Variants in LRRTM3 observed in about 807,000 individuals in gnomAD.
LRRTM3 encodes the protein leucine rich repeat transmembrane neuronal 3.
In LRRTM3, 24 loss-of-function variants were observed where a neutral mutation model predicts 44.7. The observed-to-expected ratio is 0.54, with a 90% CI of 0.39 to 0.76. The LOEUF (loss-of-function observed/expected upper bound fraction) is 0.76. LRRTM3 is among the 30% of genes least tolerant of loss of function. The pLI is 0.00. For synonymous variants in LRRTM3, 277 were observed against 278.7 expected, an observed-to-expected ratio of 0.99 and a Z score of 0.06; for missense variants, 587 against 702.2, an observed-to-expected ratio of 0.84 and a Z score of 1.85.
intron 2 of LRRTM3, among the ~76,000 whole-genome samples, chr10:67,073,038 G>A (rs532809631): frequency 1.1e-4 from 17 of 152,238 alleles, no homozygotes; most frequent in African/African-American, 2.4e-4. Flanking sequence ...GACACCTTCC[G>A]CCTAGGCCCA....
intron 2 of LRRTM3, among the ~76,000 whole-genome samples, chr10:67,067,095 A>ATCCT (rs1856136963): frequency 6.6e-6 from 1 of 152,340 alleles, no homozygotes; most frequent in South Asian, 2.1e-4. Flanking sequence ...TGATCTGGAT[A>ATCCT]TATTTTTCCC....
At chr10:67,045,587 G>A (rs1259769070) in intron 2 of LRRTM3, among the ~76,000 whole-genome samples, 1 of 152,200 alleles carries the variant, frequency 6.6e-6, no homozygotes, top group Non-Finnish European at 1.5e-5. Context: ...AACTTCCATT[G>A]CGTGACGGGC....
At chr10:66,998,512 A>G (rs1851489536) in intron 2 of LRRTM3, among the ~76,000 whole-genome samples, 1 of 152,186 alleles carries the variant, frequency 6.6e-6, no homozygotes, top group Admixed American at 6.5e-5. Context: ...ACACACAAAT[A>G]AAATACAATG....
rs754641848 is a variant in LRRTM3 at position 66,928,029 on chromosome 10, G to T, written c.1113G>T (p.Leu371=). 1 of 1,614,100 alleles carries T rather than the reference G, an allele frequency of 6.2e-7. No homozygotes were observed. Among genetic ancestry groups the T allele is most frequent in the Non-Finnish European group, 8.5e-7 (1 of 1,180,034 alleles). Residue 371 remains leucine (L), a synonymous_variant, in exon 2 of 3, where the codon CTG becomes CTT. Transcript: ENST00000361320. ...CGKSTTERFD[L]ARALPKPTFK... ...AAAGTACTACAGAGAGGTTTGATCT[G>T]GCCAGGGCTCTCCCAAAGCCGACGT...
chr10:66,987,573 G>GA, intron 2 of LRRTM3, among the ~76,000 whole-genome samples: 1 of 152,260 alleles, frequency 6.6e-6, no homozygotes, highest in Middle Eastern at 3.4e-3. Flanking sequence ...TCATTGCCAT[G>GA]AAAATTCATC....
At chr10:66,978,552 A>AAATAAAAAAAATAAAAATATATATATAT in intron 2 of LRRTM3, among the ~76,000 whole-genome samples, 1 of 37,866 alleles carries the variant, frequency 2.6e-5, no homozygotes, top group Non-Finnish European at 4.8e-5. Context: ...AAAAAAAAAA[A>AAATAAAAAAAATAAAAATATATATATAT]ATATATATAT....
At chr10:67,052,382 T>TAC (rs1855164525) in intron 2 of LRRTM3, among the ~76,000 whole-genome samples, 1 of 149,758 alleles carries the variant, frequency 6.7e-6, no homozygotes, top group East Asian at 2.0e-4. Context: ...GCCAATGCCT[T>TAC]ACTGTCTATT....
chr10:67,002,406 G>C (rs888445903), intron 2 of LRRTM3, among the ~76,000 whole-genome samples: 2 of 152,060 alleles, frequency 1.3e-5, no homozygotes, highest in African/African-American at 4.8e-5. Flanking sequence ...AGTGAGAAAT[G>C]TTTTAATTTT....
chr10:67,090,456 G>C (rs80314393), intron 2 of LRRTM3, among the ~76,000 whole-genome samples: 2,356 of 152,190 alleles, frequency 0.015, 60 homozygotes, highest in African/African-American at 0.054. Flanking sequence ...CCTATATTGT[G>C]TTCACCTCTC....
chr10:66,952,911 T>C (rs1848608352), intron 2 of LRRTM3, among the ~76,000 whole-genome samples: 1 of 151,978 alleles, frequency 6.6e-6, no homozygotes, highest in South Asian at 2.1e-4. Flanking sequence ...GCCAGCACAG[T>C]AGTGTTACAG....
chr10:66,994,574 C>T (rs1851227126), intron 2 of LRRTM3, among the ~76,000 whole-genome samples: 1 of 152,046 alleles, frequency 6.6e-6, no homozygotes, highest in Non-Finnish European at 1.5e-5. Flanking sequence ...GCATTAAGTA[C>T]CAAGGATACC....
chr10:67,085,036 G>A (rs1317860637), intron 2 of LRRTM3, among the ~76,000 whole-genome samples: 1 of 151,860 alleles, frequency 6.6e-6, no homozygotes, highest in East Asian at 1.9e-4. Flanking sequence ...TCTTAACCTT[G>A]AGCTTCAAAT....
chr10:66,976,182 G>A (rs984228180), intron 2 of LRRTM3, among the ~76,000 whole-genome samples: 1 of 152,094 alleles, frequency 6.6e-6, no homozygotes, highest in East Asian at 1.9e-4. Context: ...ATAATTTAAA[G>A]TAACTCATGA....
At chr10:66,989,786 T>C (rs1361696886) in intron 2 of LRRTM3, among the ~76,000 whole-genome samples, 1 of 152,164 alleles carries the variant, frequency 6.6e-6, no homozygotes, top group African/African-American at 2.4e-5. Flanking sequence ...CATACTTGGC[T>C]GCTGGTCTGA....
chr10:67,037,038 G>A (rs1440715931), intron 2 of LRRTM3, among the ~76,000 whole-genome samples: 2 of 152,102 alleles, frequency 1.3e-5, no homozygotes, highest in Non-Finnish European at 2.9e-5. Flanking sequence ...TGGGTGTTCC[G>A]GGGCTACCTG....
intron 2 of LRRTM3, among the ~76,000 whole-genome samples, chr10:67,036,571 A>G (rs888200021): frequency 1.3e-5 from 2 of 151,970 alleles, no homozygotes; most frequent in Non-Finnish European, 2.9e-5. Flanking sequence ...CAAGGTCTCC[A>G]TGTTGCCCAG....
At chr10:67,037,862 G>A (rs1251385346) in intron 2 of LRRTM3, among the ~76,000 whole-genome samples, 1 of 152,126 alleles carries the variant, frequency 6.6e-6, no homozygotes, top group Non-Finnish European at 1.5e-5. Context: ...GCTGACAGTT[G>A]ATATTATGGA....
At chr10:66,986,682 C>T (rs143436886) in intron 2 of LRRTM3, among the ~76,000 whole-genome samples, 11 of 152,182 alleles carry the variant, frequency 7.2e-5, no homozygotes, top group Admixed American at 7.2e-4. Context: ...CCTTGTAAGT[C>T]AACTTTTACA....
intron 2 of LRRTM3, among the ~76,000 whole-genome samples, chr10:66,991,205 G>A (rs772709794): frequency 2.0e-5 from 3 of 152,072 alleles, no homozygotes; most frequent in Non-Finnish European, 4.4e-5. Flanking sequence ...ATGTCACTAT[G>A]CCAGGTTTTC....
Sources: gnomAD v4.1 joint callset for allele counts (sites outside exome capture counted in the v4.1 genomes callset) on GRCh38, gnomAD v4.1.1 for gene constraint, MANE v1.5 for transcripts, NCBI Gene and HGNC (gene_info 2026-07-23, HGNC 2026-07-21) for gene names.